Variants in TENM2 observed in about 807,000 individuals in gnomAD.
The protein encoded by TENM2 is teneurin transmembrane protein 2, also known as teneurin-2.
Under a neutral mutation model 245.2 loss-of-function variants are expected in TENM2, and 52 were observed. That is an observed-to-expected ratio of 0.21 (90% CI 0.17 to 0.27). The LOEUF (loss-of-function observed/expected upper bound fraction) is 0.27. Among genes scored for constraint, TENM2 ranks in the 10% least tolerant of loss-of-function variants. The pLI, the probability that TENM2 is intolerant of heterozygous loss-of-function variation, is 1.00. For synonymous variants in TENM2, 1,363 were observed against 1,438.9 expected (o/e 0.95, Z 1.19); for missense variants, 3,046 against 3,666.8 (o/e 0.83, Z 4.37).
At chr5:168,237,643 G>GTCA (rs1765627921) in intron 25 of TENM2, among the ~76,000 whole-genome samples, 1 of 151,980 alleles carries the variant, frequency 6.6e-6, no homozygotes, top group African/African-American at 2.4e-5. Context: ...AAAACAGCAA[G>GTCA]TCATCCAAAC....
At chr5:167,806,866 T>C (rs188906843) in intron 2 of TENM2, among the ~76,000 whole-genome samples, 9 of 152,060 alleles carry the variant, frequency 5.9e-5, no homozygotes, top group Admixed American at 5.9e-4. Context: ...TCTCCCAGTG[T>C]AATCATGGAC....
intron 1 of TENM2, among the ~76,000 whole-genome samples, chr5:167,371,487 G>A (rs1057237840): frequency 2.6e-5 from 4 of 150,954 alleles, no homozygotes; most frequent in Non-Finnish European, 4.4e-5. Context: ...TTGGCCTCCC[G>A]AGTAGCTGGG....
intron 3 of TENM2, among the ~76,000 whole-genome samples, chr5:167,886,858 C>T (rs145101109): frequency 2.6e-5 from 4 of 152,254 alleles, no homozygotes; most frequent in East Asian, 1.9e-4. Context: ...TGATCAGGGC[C>T]GATGTGTTTG....
the TENM2 span, among the ~76,000 whole-genome samples, chr5:167,131,911 C>A: frequency 6.6e-6 from 1 of 152,182 alleles, no homozygotes; most frequent in Non-Finnish European, 1.5e-5. Context: ...CAACCTCCAC[C>A]TCCCAGGTTC....
intron 25 of TENM2, chr5:168,240,794 G>A (rs911436870): frequency 2.0e-5 from 3 of 152,106 alleles, no homozygotes; most frequent in Admixed American, 1.3e-4. Flanking sequence ...TAGGCATGAT[G>A]GCAAGTCCCC....
the TENM2 span, among the ~76,000 whole-genome samples, chr5:167,027,005 A>AC: frequency 6.6e-6 from 1 of 152,188 alleles, no homozygotes; most frequent in Non-Finnish European, 1.5e-5. Context: ...AAGAACAGAT[A>AC]CCGCTTATCA....
chr5:167,396,499 T>G (rs890735354), intron 2 of TENM2, among the ~76,000 whole-genome samples: 31 of 152,126 alleles, frequency 2.0e-4, no homozygotes, highest in African/African-American at 7.2e-4. Flanking sequence ...GGGGTGTCAG[T>G]GAATGACAGC....
intron 2 of TENM2, among the ~76,000 whole-genome samples, chr5:167,514,254 A>G (rs1297570585): frequency 6.6e-6 from 1 of 152,196 alleles, no homozygotes; most frequent in Non-Finnish European, 1.5e-5. Context: ...TTTGCCCTTA[A>G]GGAGCCAACC....
At chr5:167,876,994 T>G (rs924623025) in intron 3 of TENM2, among the ~76,000 whole-genome samples, 1 of 152,198 alleles carries the variant, frequency 6.6e-6, no homozygotes, top group African/African-American at 2.4e-5. Context: ...TTTCTCCTGT[T>G]GGTGTTATGT....
intron 23 of TENM2, 98 bp downstream of exon 25, chr5:168,219,097 C>A: frequency 2.4e-6 from 3 of 1,227,358 alleles, no homozygotes; most frequent in Non-Finnish European, 3.4e-6. Flanking sequence ...TGCTTTGTCA[C>A]GTTGTCTTTC....
chr5:167,118,487 T>C, the TENM2 span, among the ~76,000 whole-genome samples: 1 of 152,362 alleles, frequency 6.6e-6, no homozygotes, highest in East Asian at 1.9e-4. Context: ...TAATTCTATA[T>C]CAGGTTTCTG....
chr5:167,918,450 T>C (rs1777111594), intron 3 of TENM2, among the ~76,000 whole-genome samples: 1 of 152,136 alleles, frequency 6.6e-6, no homozygotes, highest in Non-Finnish European at 1.5e-5. Context: ...CCCTATAAGC[T>C]CTTACCTGCC....
chr5:167,087,316 G>C, the TENM2 span, among the ~76,000 whole-genome samples: 1 of 152,094 alleles, frequency 6.6e-6, no homozygotes, highest in Admixed American at 6.6e-5. Context: ...CACGTCACCT[G>C]TTTGCAATCT....
Position 167,405,712 on chromosome 5 carries a change from A to C in TENM2, c.502+30239A>C, listed in dbSNP as rs546438116. Among the ~76,000 whole-genome samples, 15 of 151,528 alleles carry C rather than the reference A, an allele frequency of 9.9e-5. No individual in the cohort carries two copies. The East Asian group carries it at 2.4e-3, about 24-fold the overall frequency. ...CTCAGCCTCACCCTGTAATTTTAGG[A>C]CATAAGCCCCACAGACTTTTACCTT... On this transcript the variant is annotated intron_variant, in intron 2 of 28. Transcript: ENST00000518659.
intron 28 of TENM2, 138 bp from the exon 31 acceptor site, chr5:168,261,911 G>GGACTC: frequency 1.3e-6 from 1 of 771,152 alleles, no homozygotes; most frequent in Non-Finnish European, 2.1e-6. Context: ...CCAAAAGGTA[G>GGACTC]GACTCCCAAC....
intron 2 of TENM2, among the ~76,000 whole-genome samples, chr5:167,578,391 G>A: frequency 6.6e-6 from 1 of 152,164 alleles, no homozygotes; most frequent in East Asian, 1.9e-4. Flanking sequence ...AGAAACGCTG[G>A]GGAACGGAGA....
At chr5:167,597,318 A>G (rs1461802945) in intron 2 of TENM2, among the ~76,000 whole-genome samples, 1 of 151,724 alleles carries the variant, frequency 6.6e-6, no homozygotes, top group Non-Finnish European at 1.5e-5. Context: ...GGCATGCACA[A>G]CCACGCCTGG....
chr5:167,631,725 T>G (rs1778887833), intron 2 of TENM2, among the ~76,000 whole-genome samples: 1 of 152,178 alleles, frequency 6.6e-6, no homozygotes, highest in South Asian at 2.1e-4. Flanking sequence ...CCTATTCTAT[T>G]TATTTTGCAA....
chr5:167,349,019 G>A (rs909874239), intron 1 of TENM2, among the ~76,000 whole-genome samples: 1 of 152,128 alleles, frequency 6.6e-6, no homozygotes, highest in Non-Finnish European at 1.5e-5. Context: ...CAGCTATATT[G>A]AGGTATAGTT....
Sources: allele counts gnomAD v4.1 joint callset (sites outside exome capture counted in the v4.1 genomes callset), GRCh38; gene constraint gnomAD v4.1.1; transcripts MANE v1.5; gene names NCBI Gene and HGNC (gene_info 2026-07-23, HGNC 2026-07-21).